Variants in AEBP1 observed in about 807,000 individuals in gnomAD.
AEBP1 encodes the protein adipocyte enhancer-binding protein 1.
Under a neutral mutation model 116.5 loss-of-function variants are expected in AEBP1, and 69 were observed. That is an observed-to-expected ratio of 0.59 (90% CI 0.49 to 0.72). AEBP1 has a LOEUF of 0.72. Among genes scored for constraint, AEBP1 ranks in the 30% least tolerant of loss-of-function variants. The pLI is 0.00. For missense variants in AEBP1, 1,444 were observed against 1,557.5 expected (o/e 0.93, Z 1.23); for synonymous variants, 627 against 627.3 (o/e 1.00, Z 0.01).
rs776680503 is a variant in AEBP1 at position 44,112,581 on chromosome 7, C to T, written c.2241C>T (p.Ile747=). ...AGGTATCCACGGAGGTCCGGGCCAT[C>T]ATTGCCTGGATGGAGAAGAACCCCT... ...DATVSTEVRA[I]IAWMEKNPFV... Residue 747 remains isoleucine, a synonymous_variant, in exon 18 of 21, where the codon ATC becomes ATT. Coordinates refer to ENST00000223357, the MANE Select transcript of AEBP1 (RefSeq NM_001129.5). The surrounding 1 kb of genome is among the most constrained non-coding windows in gnomAD (Gnocchi z 6.6). 2 of 1,598,250 alleles carry T rather than the reference C, an allele frequency of 1.3e-6. No homozygotes were observed. Among genetic ancestry groups the T allele is most frequent in the Admixed American group, 3.4e-5 (2 of 59,330 alleles).
rs1381595877 is a variant in AEBP1 at position 44,110,284 on chromosome 7, G to A, written c.1338G>A (p.Val446=). The change falls in exon 11 of 21, where the codon GTG becomes GTA. Residue 446 remains valine (V), a synonymous_variant. Transcript: ENST00000223357. The part of the protein sequence containing the change: ...EDDARTQWIE[V]DTRRTTRFTG... ...ATGCCAGGACCCAGTGGATAGAGGT[G>A]GACACCAGGAGGACTACCCGGTTCA... 2 of 1,613,564 alleles carry A rather than the reference G, an allele frequency of 1.2e-6. No homozygotes were observed. Among genetic ancestry groups the A allele is most frequent in the Admixed American group, 1.7e-5 (1 of 60,006 alleles).
intron 2 of AEBP1, 46 bp downstream of exon 2, chr7:44,106,933 T>C (rs923516429): frequency 1.4e-6 from 2 of 1,412,816 alleles, no homozygotes; most frequent in African/African-American, 2.9e-5. Context: ...GACTGCCTGC[T>C]CGGGTGGAGG....
In AEBP1 at chr7:44,109,330, C is replaced by A; in HGVS notation, c.1139C>A (p.Thr380Lys). 2.0e-6 allele frequency: 3 copies of A among 1,534,722 alleles called. No individual in the cohort carries two copies. The highest frequency in any genetic ancestry group is 1.2e-5 in the South Asian group (1 of 83,530). ...GEELEEEWTP[T>K]EKVKCPPIGM... ...GAGTTGGAGGAGGAGTGGACGCCTA[C>A]GGAGAAAGTCAGTAAGTGGGGGGCA... The change falls in exon 9 of 21, where the codon ACG (threonine) becomes AAG (lysine). Residue 380 changes from threonine to lysine, a missense_variant. By Grantham distance (78) the Thr-to-Lys change is moderately conservative. Transcript: ENST00000223357.
At chr7:44,109,872 A>C in intron 9 of AEBP1, 143 bp from the exon 10 acceptor site, 1 of 713,392 alleles carries the variant, frequency 1.4e-6, no homozygotes, top group Non-Finnish European at 2.3e-6. Flanking sequence ...GGTGCAGGGC[A>C]CCAGGGAGCC....
Position 44,111,687 on chromosome 7 carries a change from G to C in AEBP1, c.1840+57G>C. 6.3e-7 allele frequency: 1 copy of C among 1,598,982 alleles called. No homozygotes were observed. The highest frequency in any genetic ancestry group is 1.3e-5 in the African/African-American group (1 of 74,274). On this transcript the variant is annotated intron_variant, in intron 15 of 20. Transcript: ENST00000223357. The surrounding 1 kb of genome is among the most constrained non-coding windows in gnomAD (Gnocchi z 4.7). ...CTGCTGCTGATGTGCAGAGCTCACTGCCTCCCGCCTGTTCCGGAGCCTCTC... is the reference window on the plus strand; with the variant it reads ...CTGCTGCTGATGTGCAGAGCTCACTCCCTCCCGCCTGTTCCGGAGCCTCTC...
chr7:44,112,958 G>T lies in AEBP1; in HGVS notation c.2570-33G>T, dbSNP rs2096231558. On this transcript the variant is annotated intron_variant, in intron 18 of 20. Transcript: ENST00000223357. The surrounding 1 kb of genome is among the most constrained non-coding windows in gnomAD (Gnocchi z 6.6). ...TGGGCGGGGCCTGGTCCGGAGAGGG[G>T]CTGACTTTGGGTCTGTATCTGTCCC... 1 of 1,613,040 alleles carries T rather than the reference G, an allele frequency of 6.2e-7. No homozygotes were observed. Among genetic ancestry groups the T allele is most frequent in the Non-Finnish European group, 8.5e-7 (1 of 1,179,482 alleles).
At chr7:44,105,433 T>C (rs779548804) in intron 1 of AEBP1, among the ~76,000 whole-genome samples, 1 of 152,160 alleles carries the variant, frequency 6.6e-6, no homozygotes, top group Admixed American at 6.5e-5. Flanking sequence ...GGAAATTAGA[T>C]GAGGTGATGC....
rs2096228825 is a variant in AEBP1 at position 44,111,054 on chromosome 7, G to A, written c.1627G>A (p.Ala543Thr). Reference sequence around the variant, plus strand: ...CCTGGAGGTGCTGGGGTGCTCTGTGGCCCGTGAGTGTGGAGGGCTGGCAGG... The same window carrying A: ...CCTGGAGGTGCTGGGGTGCTCTGTGACCCGTGAGTGTGGAGGGCTGGCAGG... ...MRLEVLGCSVAPVYSYYAQNE... is the reference protein window; with the variant it reads ...MRLEVLGCSVTPVYSYYAQNE... The change falls in exon 13 of 21, where the codon GCC becomes ACC. Residue 543 changes from alanine to threonine, a missense_variant. Ala to Thr is a moderately conservative substitution (Grantham distance 58, BLOSUM62 0). Coordinates refer to ENST00000223357, the MANE Select transcript of AEBP1 (RefSeq NM_001129.5). The surrounding 1 kb of genome is among the most constrained non-coding windows in gnomAD (Gnocchi z 4.7). 5 of 1,608,548 alleles carry A rather than the reference G, an allele frequency of 3.1e-6. No individual in the cohort carries two copies. Among genetic ancestry groups the A allele is most frequent in the Non-Finnish European group, 4.3e-6 (5 of 1,176,400 alleles).
chr7:44,109,732 G>A (rs1435795261), intron 9 of AEBP1: 10 of 569,776 alleles, frequency 1.8e-5, no homozygotes, highest in South Asian at 6.2e-5. Flanking sequence ...GTGATTTCAC[G>A]TGTGTCCCCT....
rs779545560 is a variant in AEBP1 at position 44,112,720 on chromosome 7, G to A, written c.2380G>A (p.Gly794Arg). The A allele has an allele frequency of 6.2e-7, 1 of 1,613,306 alleles. No individual in the cohort carries two copies. Among genetic ancestry groups the A allele is most frequent in the South Asian group, 1.1e-5 (1 of 91,080 alleles). Residue 794 changes from glycine to arginine, a missense_variant, in exon 18 of 21, where the codon GGG (glycine) becomes AGG (arginine). By Grantham distance (125) the Gly-to-Arg change is moderately radical. Coordinates refer to ENST00000223357, the MANE Select transcript of AEBP1 (RefSeq NM_001129.5). The surrounding 1 kb of genome is among the most constrained non-coding windows in gnomAD (Gnocchi z 6.6). The part of the protein sequence containing the change: ...LLAAAMAAAR[G>R]EDEDEVSEAQ... ...GGCCGCAGCCATGGCAGCAGCCCGG[G>A]GGGAGGATGAGGACGAGGTCTCCGA...
Position 44,113,371 on chromosome 7 carries a change from T to C in AEBP1, c.2809+20T>C, listed in dbSNP as rs1447813545. The C allele has an allele frequency of 6.3e-7, 1 of 1,596,740 alleles. No homozygotes were observed. Among genetic ancestry groups the C allele is most frequent in the Admixed American group, 1.7e-5 (1 of 58,222 alleles). ...AGACAGGTACCTAGTGTGCACACCT[T>C]TACCCCATCTTTCTGAGGGAGGACC... is the stretch of plus-strand genomic sequence containing the variant. On this transcript the variant is annotated intron_variant, in intron 20 of 20. Transcript: ENST00000223357. The surrounding 1 kb of genome is among the most constrained non-coding windows in gnomAD (Gnocchi z 5.3).
At position 44,108,176 on chromosome 7, in the gene AEBP1, A is replaced by G. The variant is rs1453668618; in HGVS notation, c.940+92A>G. 30 of 1,260,084 alleles carry G rather than the reference A, an allele frequency of 2.4e-5. No individual in the cohort carries two copies. The highest frequency in any genetic ancestry group is 3.1e-5 in the Non-Finnish European group (28 of 893,464). 78.1% of individuals were successfully genotyped at this position (1,260,084 alleles called of 1,614,324 possible). ...AGGAGCCAGCTGGGGCAACTCACCC[A>G]CCTTGCAACCCCACCTGTGCCCGTG... On this transcript the variant is annotated intron_variant, in intron 6 of 20. Coordinates refer to ENST00000223357, the MANE Select transcript of AEBP1 (RefSeq NM_001129.5). The surrounding 1 kb of genome is among the most constrained non-coding windows in gnomAD (Gnocchi z 5.0).
At position 44,104,767 on chromosome 7, in the gene AEBP1, C is replaced by T. The variant is rs774219756; in HGVS notation, c.102C>T (p.Ile34=). 5 of 1,611,502 alleles carry T rather than the reference C, an allele frequency of 3.1e-6. No homozygotes were observed. Among genetic ancestry groups the T allele is most frequent in the Non-Finnish European group, 3.4e-6 (4 of 1,179,552 alleles). Residue 34 remains isoleucine (I), a synonymous_variant, in exon 1 of 21, where the codon ATC becomes ATT. Transcript: ENST00000223357. The stretch of plus-strand genomic sequence containing the variant: ...AGACGGTGCTGACCGACGACGAGAT[C>T]GAGGAGTTCCTCGAGGGCTTCCTGT... ...RPQTVLTDDE[I]EEFLEGFLSE... is the part of the protein sequence containing the mutation.
Position 44,112,401 on chromosome 7 carries a change from G to A in AEBP1, c.2217+80G>A. On this transcript the variant is annotated intron_variant, in intron 17 of 20. Coordinates refer to ENST00000223357, the MANE Select transcript of AEBP1 (RefSeq NM_001129.5). This position sits in a 1 kb window ranked among gnomAD's most constrained non-coding sequence, Gnocchi z 6.6. ...CTGGTGTTCTGGGCTTGGGGGTGGG[G>A]CTGACGGTGCCTGAACTCCAGACGC... 3 of 1,472,598 alleles carry A rather than the reference G, an allele frequency of 2.0e-6. No individual in the cohort carries two copies. Among genetic ancestry groups the A allele is most frequent in the Non-Finnish European group, 2.7e-6 (3 of 1,101,844 alleles). The allele number at this position is 1,472,598 out of a possible 1,614,324, so 91.2% of individuals were successfully genotyped here.
In AEBP1 at chr7:44,110,333, G is replaced by A. The variant is rs1413356733; in HGVS notation, c.1387G>A (p.Asp463Asn). Residue 463 changes from aspartate (D) to asparagine (N), a missense_variant, in exon 11 of 21, where the codon GAC (aspartate) becomes AAC (asparagine). Asp to Asn is a conservative substitution (Grantham distance 23). Transcript: ENST00000223357. Reference protein sequence around the residue: ...RFTGVITQGRDSSIHDDFVTT... With the variant: ...RFTGVITQGRNSSIHDDFVTT... ...CACAGGCGTCATCACCCAGGGCAGA[G>A]ACTCCAGCATCCAGTGCGTGGCCAG... is the stretch of plus-strand genomic sequence containing the variant. 2 of 1,613,696 alleles carry A rather than the reference G, an allele frequency of 1.2e-6. No homozygotes were observed. The highest frequency in any genetic ancestry group is 1.7e-6 in the Non-Finnish European group (2 of 1,180,018).
At position 44,108,851 on chromosome 7, in the gene AEBP1, C is replaced by T. The variant is rs201969963; in HGVS notation, c.941-48C>T. 4.6e-6 allele frequency: 7 copies of T among 1,522,522 alleles called. No individual in the cohort carries two copies. The highest frequency in any genetic ancestry group is 2.7e-6 in the Non-Finnish European group (3 of 1,122,352). 94.3% of individuals were successfully genotyped at this position (1,522,522 alleles called of 1,614,324 possible). On this transcript the variant is annotated intron_variant, in intron 6 of 20. Transcript: ENST00000223357. The surrounding 1 kb of genome is among the most constrained non-coding windows in gnomAD (Gnocchi z 5.0). ...GCTCCTGTGGACCCAGGAGCTGAGG[C>T]CCCGCAGCAGGGTCAGGGCAGCCTC... is the stretch of plus-strand genomic sequence containing the variant.
At position 44,112,125 on chromosome 7, in the gene AEBP1, CTGCTGGCTCCCCACAGGGCTCAG is replaced by C; in HGVS notation, c.2038-16_2044del. On this transcript the variant is annotated splice_acceptor_variant and splice_polypyrimidine_tract_variant and coding_sequence_variant and intron_variant, in exon 17 of 21. Coordinates refer to ENST00000223357, the MANE Select transcript of AEBP1 (RefSeq NM_001129.5). LOFTEE classifies it high-confidence loss of function. This position sits in a 1 kb window ranked among gnomAD's most constrained non-coding sequence, Gnocchi z 6.6. The stretch of plus-strand genomic sequence containing the variant: ...GGGGTGTGGGTAGCCGATGCCTACC[CTGCTGGCTCCCCACAGGGCTCAG>C]AGTTTGGGAACTGGGCGCTGGGACT... 6.3e-7 allele frequency: 1 copy of C among 1,596,702 alleles called. No individual in the cohort carries two copies. Among genetic ancestry groups the C allele is most frequent in the East Asian group, 2.2e-5 (1 of 44,478 alleles).
At chr7:44,106,139 A>T (rs899583196) in intron 1 of AEBP1, 3 of 467,824 alleles carry the variant, frequency 6.4e-6, no homozygotes, top group Non-Finnish European at 8.5e-6. Flanking sequence ...CTTCCTTTGT[A>T]TGGCAGTTGG....
chr7:44,110,654 G>A lies in AEBP1; in HGVS notation c.1401-71G>A, dbSNP rs1042027281. Reference sequence around the variant, plus strand: ...GCTCTTAAATTCTTGGGGCTCGGAAGAGGGAGGCTCAGGCCACCTGAGGGC... The same window carrying A: ...GCTCTTAAATTCTTGGGGCTCGGAAAAGGGAGGCTCAGGCCACCTGAGGGC... On this transcript the variant is annotated intron_variant, in intron 11 of 20. Coordinates refer to ENST00000223357, the MANE Select transcript of AEBP1 (RefSeq NM_001129.5). The A allele has an allele frequency of 2.2e-6, 3 of 1,357,596 alleles. No individual in the cohort carries two copies. In the Admixed American group the frequency reaches 6.9e-5, roughly 31 times the overall value. The allele number at this position is 1,357,596 out of a possible 1,614,324, so 84.1% of individuals were successfully genotyped here.
Sources: allele counts gnomAD v4.1 joint callset (sites outside exome capture counted in the v4.1 genomes callset), GRCh38; gene constraint gnomAD v4.1.1; non-coding constraint Gnocchi (gnomAD v3.1); transcripts MANE v1.5; gene names NCBI Gene and HGNC (gene_info 2026-07-23, HGNC 2026-07-21).